MATN2: variants seen among roughly 807,000 people sequenced by gnomAD.
MATN2 encodes the protein matrilin 2.
In MATN2, 69 loss-of-function variants were observed where a neutral mutation model predicts 103.2. The observed-to-expected ratio is 0.67, with a 90% confidence interval of 0.55 to 0.82. The LOEUF is 0.82. MATN2 is among the 40% of genes least tolerant of loss of function. MATN2 has a pLI of 0.00. For synonymous variants in MATN2, 429 were observed against 450.2 expected (o/e 0.95, Z 0.60); for missense variants, 1,023 against 1,211.5 (o/e 0.84, Z 2.31).
At chr8:97,974,995 G>T (rs1168497050) in intron 5 of MATN2, among the ~76,000 whole-genome samples, 1 of 152,152 alleles carries the variant, frequency 6.6e-6, no homozygotes, top group Non-Finnish European at 1.5e-5. Flanking sequence ...TGATGCAGTT[G>T]GTTCACAGAC....
chr8:97,915,866 CTG>C (rs143764402), intron 2 of MATN2, among the ~76,000 whole-genome samples: 16 of 150,318 alleles, frequency 1.1e-4, no homozygotes, highest in South Asian at 2.1e-4. Flanking sequence ...GGTTGTGTGT[CTG>C]TGTGTGTGTG....
At chr8:97,951,689 AC>A (rs2130225927) in intron 4 of MATN2, among the ~76,000 whole-genome samples, 1 of 152,326 alleles carries the variant, frequency 6.6e-6, no homozygotes, top group Admixed American at 6.5e-5. Flanking sequence ...TAATGTGACA[AC>A]GGTTTGGAAA....
At chr8:97,959,932 T>A (rs958477311) in intron 4 of MATN2, among the ~76,000 whole-genome samples, 27 of 152,206 alleles carry the variant, frequency 1.8e-4, no homozygotes, top group African/African-American at 5.3e-4. Flanking sequence ...TAAGTTTTTT[T>A]AAATCATACC....
chr8:97,887,229 G>T (rs1456165230), intron 1 of MATN2, among the ~76,000 whole-genome samples: 10 of 148,674 alleles, frequency 6.7e-5, no homozygotes, highest in Non-Finnish European at 1.2e-4. Flanking sequence ...TTTTTTTTTT[G>T]TAGAAACGAG....
intron 3 of MATN2, among the ~76,000 whole-genome samples, chr8:97,940,480 ATTG>A (rs1477686205): frequency 1.3e-5 from 2 of 152,158 alleles, no homozygotes; most frequent in Admixed American, 1.3e-4. Context: ...TCTAAATTGT[ATTG>A]TTGTGAAATG....
At chr8:97,942,932 C>T in intron 4 of MATN2, among the ~76,000 whole-genome samples, 1 of 152,066 alleles carries the variant, frequency 6.6e-6, no homozygotes, top group Non-Finnish European at 1.5e-5. Context: ...CTACTTGACC[C>T]TCCGCTTCTG....
chr8:97,906,997 C>CTTT lies in MATN2; in HGVS notation c.142+18774_142+18776dup, dbSNP rs61459656. ...CAGTTTTTAAAATAACCATAGCTGA[C>CTTT]TTTTTTTTTTTTTTTTTTTTTGAGA... is the stretch of plus-strand genomic sequence containing the variant. On this transcript the variant is annotated intron_variant, in intron 2 of 18. Transcript: ENST00000254898. 2.1e-3 allele frequency among the ~76,000 whole-genome samples: 243 copies of CTTT among 116,122 alleles called. 7 individuals carry two copies. The highest frequency in any genetic ancestry group is 7.3e-3 in the African/African-American group (207 of 28,484). 76.2% of individuals were successfully genotyped at this position (116,122 alleles called of 152,430 possible).
At chr8:97,934,180 G>C (rs1490735902) in intron 3 of MATN2, among the ~76,000 whole-genome samples, 6 of 152,198 alleles carry the variant, frequency 3.9e-5, no homozygotes, top group African/African-American at 1.4e-4. Flanking sequence ...ACCTAAAATA[G>C]GTGAAACTCT....
chr8:98,032,408 T>TCTG, intron 16 of MATN2, 91 bp downstream of exon 16: 1 of 961,116 alleles, frequency 1.0e-6, no homozygotes, highest in Admixed American at 2.4e-5. Context: ...TGAATGTAAG[T>TCTG]ATGTTCAAAT....
chr8:97,885,181 G>A (rs1328986901), intron 1 of MATN2, among the ~76,000 whole-genome samples: 2 of 152,234 alleles, frequency 1.3e-5, no homozygotes, highest in Non-Finnish European at 2.9e-5. Context: ...ATGCCTCGGA[G>A]TGGAAGTGGG....
chr8:97,973,686 C>T (rs1811737096), intron 5 of MATN2, among the ~76,000 whole-genome samples: 1 of 151,482 alleles, frequency 6.6e-6, no homozygotes, highest in Admixed American at 6.6e-5. Flanking sequence ...CCTCCCACCT[C>T]AGCCTCCTGA....
At position 98,035,669 on chromosome 8, in the gene MATN2, C is replaced by T; in HGVS notation, c.2828C>T (p.Thr943Ile). ...RKLTQRLEEM[T>I]QRMEALENRL... ...ATTTGAGATTTACTAGAAGAAATGA[C>T]ACAGAGAATGGAAGCCCTGGAAAAT... The change falls in exon 19 of 19, where the codon ACA becomes ATA. Residue 943 changes from threonine (T) to isoleucine (I), a missense_variant. Coordinates refer to ENST00000254898, the MANE Select transcript of MATN2 (RefSeq NM_002380.5). 6.3e-7 allele frequency: 1 copy of T among 1,584,520 alleles called. No homozygotes were observed. The highest frequency in any genetic ancestry group is 8.6e-7 in the Non-Finnish European group (1 of 1,159,956).
At chr8:97,929,222 C>T (rs1810097753) in intron 2 of MATN2, among the ~76,000 whole-genome samples, 1 of 152,230 alleles carries the variant, frequency 6.6e-6, no homozygotes, top group Non-Finnish European at 1.5e-5. Flanking sequence ...GAGTCACAGC[C>T]TGGCAAGCTG....
intron 4 of MATN2, among the ~76,000 whole-genome samples, chr8:97,949,686 A>C (rs1435687195): frequency 1.1e-4 from 16 of 152,242 alleles, no homozygotes; most frequent in Admixed American, 1.0e-3. Flanking sequence ...TTATGTCTAA[A>C]AAAAGATTTG....
At chr8:97,957,538 A>G (rs1326751371) in intron 4 of MATN2, among the ~76,000 whole-genome samples, 1 of 152,216 alleles carries the variant, frequency 6.6e-6, no homozygotes, top group South Asian at 2.1e-4. Context: ...GACAATCCGC[A>G]TGAAGCCAAC....
At position 98,005,957 on chromosome 8, in the gene MATN2, G is replaced by T. The variant is rs1812952779; in HGVS notation, c.1328-1148G>T. On this transcript the variant is annotated intron_variant, in intron 8 of 18. Coordinates refer to ENST00000254898, the MANE Select transcript of MATN2 (RefSeq NM_002380.5). The surrounding 1 kb of genome is among the most constrained non-coding windows in gnomAD (Gnocchi z 4.6). ...ATCCACCAGTGGAATGTTCTGGAAGGCACTGGTCCCAGACTCTGCGGGAGT... is the reference window on the plus strand; with the variant it reads ...ATCCACCAGTGGAATGTTCTGGAAGTCACTGGTCCCAGACTCTGCGGGAGT... Among the ~76,000 whole-genome samples, 1 of 152,330 alleles carries T rather than the reference G, an allele frequency of 6.6e-6. No individual in the cohort carries two copies. The highest frequency in any genetic ancestry group is 1.9e-4 in the East Asian group (1 of 5,182).
intron 10 of MATN2, among the ~76,000 whole-genome samples, chr8:98,011,942 C>T (rs990720526): frequency 2.6e-5 from 4 of 152,200 alleles, no homozygotes; most frequent in South Asian, 2.1e-4. Flanking sequence ...CCTGAGCACA[C>T]GCTGCAGAAT....
chr8:97,888,812 G>A (rs1586379552), intron 2 of MATN2, among the ~76,000 whole-genome samples: 1 of 152,198 alleles, frequency 6.6e-6, no homozygotes, highest in East Asian at 1.9e-4. Context: ...CCTGGCATGT[G>A]GAGGTTATAG....
intron 4 of MATN2, chr8:97,950,809 G>A (rs1810922052): frequency 6.6e-6 from 1 of 152,242 alleles, no homozygotes; most frequent in Non-Finnish European, 1.5e-5. Flanking sequence ...TAGTTTTCAG[G>A]GCAAACAGAT....
Sources: allele counts gnomAD v4.1 joint callset (sites outside exome capture counted in the v4.1 genomes callset), GRCh38; gene constraint gnomAD v4.1.1; non-coding constraint Gnocchi (gnomAD v3.1); transcripts MANE v1.5; gene names NCBI Gene and HGNC (gene_info 2026-07-23, HGNC 2026-07-21).